PARP15: variants seen among roughly 807,000 people sequenced by gnomAD.
PARP15 encodes poly(ADP-ribose) polymerase family member 15.
In PARP15, 50 loss-of-function variants were observed where a neutral mutation model predicts 62.1. That is an observed-to-expected ratio of 0.81 (90% confidence interval 0.64 to 1.02). PARP15 has a LOEUF of 1.02. Among genes scored for constraint, PARP15 ranks in the 50% least tolerant of loss-of-function variants. The probability of loss-of-function intolerance (pLI) is 0.00; values close to 1 mark genes in which losing one functional copy is unlikely to be tolerated. For synonymous variants in PARP15, 309 were observed against 293.1 expected (o/e 1.05, Z -0.55); for missense variants, 820 against 826.5 (o/e 0.99, Z 0.10).
At chr3:122,602,481 C>G (rs188878094) in intron 1 of PARP15, among the ~76,000 whole-genome samples, 150 of 152,322 alleles carry the variant, frequency 9.8e-4, no homozygotes, top group Admixed American at 2.0e-3. Context: ...ATCTTCATCT[C>G]TCACTTCCTA....
intron 8 of PARP15, among the ~76,000 whole-genome samples, chr3:122,625,258 TG>T (rs1331579633): frequency 6.6e-6 from 1 of 152,034 alleles, no homozygotes; most frequent in African/African-American, 2.4e-5. Flanking sequence ...TTTGTTTTTT[TG>T]TTGTTGTTTT....
chr3:122,579,999 G>GTGTGTATATA (rs1553725409), intron 1 of PARP15, among the ~76,000 whole-genome samples: 2 of 64,460 alleles, frequency 3.1e-5, no homozygotes, highest in African/African-American at 9.9e-5. Flanking sequence ...GCAACTATAT[G>GTGTGTATATA]TATATATATA....
intron 11 of PARP15, 96 bp from the exon 12 acceptor site, chr3:122,635,715 A>T: frequency 7.1e-7 from 1 of 1,405,224 alleles, no homozygotes; most frequent in Non-Finnish European, 9.6e-7. Flanking sequence ...ACCTGGCTAA[A>T]ACTGCATTTA....
Position 122,638,805 on chromosome 3 carries a change from T to G in PARP15, c.*2705T>G, listed in dbSNP as rs1390384363. 6.6e-6 allele frequency: 1 copy of G among 152,194 alleles called. No homozygotes were observed. Among genetic ancestry groups the G allele is most frequent in the Non-Finnish European group, 1.5e-5 (1 of 68,028 alleles). The allele number at this position is 152,194 out of a possible 1,614,324, so 9.4% of individuals were successfully genotyped here. Reference sequence around the variant, plus strand: ...GTTGTACAGAAGCTCTTTAGTTTAATTAGATCCCATATTTCTACCATTTTT... The same window carrying G: ...GTTGTACAGAAGCTCTTTAGTTTAAGTAGATCCCATATTTCTACCATTTTT... On this transcript the variant is annotated 3_prime_UTR_variant, in exon 12 of 12. Transcript: ENST00000464300.
chr3:122,593,141 A>C (rs1934077392), intron 1 of PARP15, among the ~76,000 whole-genome samples: 2 of 142,150 alleles, frequency 1.4e-5, no homozygotes, highest in South Asian at 4.4e-4. Flanking sequence ...TCTATCATGT[A>C]TCTATCTATA....
intron 1 of PARP15, among the ~76,000 whole-genome samples, chr3:122,583,699 A>G (rs747282794): frequency 1.8e-4 from 27 of 152,004 alleles, no homozygotes; most frequent in Non-Finnish European, 3.5e-4. Flanking sequence ...TCTATAATTA[A>G]TTTTTCCACC....
intron 6 of PARP15, 122 bp downstream of exon 6, chr3:122,617,286 C>A: frequency 9.4e-7 from 1 of 1,062,590 alleles, no homozygotes; most frequent in Non-Finnish European, 1.4e-6. Context: ...TCTCTGAACT[C>A]AGGAAGACGT....
chr3:122,610,826 C>T (rs549646517), intron 3 of PARP15, 96 bp downstream of exon 3: 93 of 1,054,962 alleles, frequency 8.8e-5, no homozygotes, highest in South Asian at 1.5e-4. Context: ...CAATTTTGCC[C>T]CACAGAGGAC....
In PARP15 at chr3:122,635,026, A is replaced by G; in HGVS notation, c.1579A>G (p.Arg527Gly). 1 of 1,613,826 alleles carries G rather than the reference A, an allele frequency of 6.2e-7. No individual in the cohort carries two copies. The highest frequency in any genetic ancestry group is 1.1e-5 in the South Asian group (1 of 91,018). The change falls in exon 11 of 12, where the codon AGG becomes GGG. Residue 527 changes from arginine to glycine, a missense_variant. Around this residue, in one of 3 missense-constraint regions of PARP15, gnomAD observed 731 missense variants for 727.7 expected, o/e 1.00. Transcript: ENST00000464300. ...CSSYAIEKIERIQNAFLWQSY... is the reference protein window; with the variant it reads ...CSSYAIEKIEGIQNAFLWQSY... ...TGTCTTTTGTTACCTGCAGATTGAG[A>G]GGATACAGAATGCATTTCTCTGGCA...
intron 1 of PARP15, 134 bp downstream of exon 1, chr3:122,577,987 A>G (rs2332240): frequency 0.46 from 391,052 of 853,288 alleles, 91,984 homozygotes; most frequent in Admixed American, 0.57. Flanking sequence ...CGCCGACTAC[A>G]CTGACTTCCC....
intron 2 of PARP15, among the ~76,000 whole-genome samples, chr3:122,607,851 A>T (rs1935257932): frequency 6.6e-6 from 1 of 151,882 alleles, no homozygotes; most frequent in African/African-American, 2.4e-5. Context: ...TCTCATGTAC[A>T]TGTCTTTCCT....
At position 122,615,782 on chromosome 3, in the gene PARP15, T is replaced by C; in HGVS notation, c.775T>C (p.Phe259Leu). 6.2e-7 allele frequency: 1 copy of C among 1,612,724 alleles called. No individual in the cohort carries two copies. The highest frequency in any genetic ancestry group is 8.5e-7 in the Non-Finnish European group (1 of 1,178,736). Residue 259 changes from phenylalanine to leucine, a missense_variant, in exon 5 of 12, where the codon TTT becomes CTT. By Grantham distance (22) the Phe-to-Leu change is conservative. This residue lies in a region of PARP15 where 731 missense variants were observed against 727.7 expected (regional missense o/e 1.00). Transcript: ENST00000464300. The stretch of plus-strand genomic sequence containing the variant: ...CAGTAACTGTTTCTATTTCCAGGCA[T>C]TTTTAGATGAATTCACTAACTGGTC... ...YTNDDEGCQAFLDEFTNWSRI... is the reference protein window; with the variant it reads ...YTNDDEGCQALLDEFTNWSRI...
chr3:122,635,545 A>T (rs1560007111), intron 11 of PARP15, among the ~76,000 whole-genome samples: 1 of 151,954 alleles, frequency 6.6e-6, no homozygotes, highest in East Asian at 1.9e-4. Flanking sequence ...AGTAGCTGGG[A>T]TTACAGGCAT....
rs568430372 is a variant in PARP15, at chr3:122,607,391, A to C, written c.306+1336A>C. On this transcript the variant is annotated intron_variant, in intron 2 of 11. Transcript: ENST00000464300. Reference sequence around the variant, plus strand: ...CTGCTCCACCACTCAGCAGCCACTGATCTTGGTCAATATCCATCTTATGTC... The same window carrying C: ...CTGCTCCACCACTCAGCAGCCACTGCTCTTGGTCAATATCCATCTTATGTC... Among the ~76,000 whole-genome samples the C allele has an allele frequency of 2.0e-5, 3 of 152,286 alleles. No homozygotes were observed. In the East Asian group the frequency reaches 5.8e-4, roughly 29 times the overall value.
Position 122,601,036 on chromosome 3 carries a change from G to GTTTTTTTT in PARP15, c.187-4884_187-4877dup, listed in dbSNP as rs771581231. On this transcript the variant is annotated intron_variant, in intron 1 of 11. Transcript: ENST00000464300. ...CATTGGTTTTTGTTTGTCTTTTATG[G>GTTTTTTTT]TTTTTTTTTTTTTTTTTTTTTTTGA... Among the ~76,000 whole-genome samples the GTTTTTTTT allele has an allele frequency of 2.6e-3, 193 of 73,028 alleles. 29 individuals carry two copies. The highest frequency in any genetic ancestry group is 0.014 in the African/African-American group (175 of 12,158). The allele number at this position is 73,028 out of a possible 152,430, so 47.9% of individuals were successfully genotyped here.
At chr3:122,631,970 A>G in intron 9 of PARP15, 116 bp from the exon 10 acceptor site, 1 of 1,143,232 alleles carries the variant, frequency 8.7e-7, no homozygotes, top group Non-Finnish European at 1.3e-6. Flanking sequence ...GAAATGTGTA[A>G]CTTCTCCTTT....
chr3:122,636,122 G>A lies in PARP15; in HGVS notation c.*22G>A, dbSNP rs200442595. 2 of 1,587,682 alleles carry A rather than the reference G, an allele frequency of 1.3e-6. No individual in the cohort carries two copies. ...TTAAAAATATTTTTATCATCAAAGA[G>A]ATGATTTAAGTCATCTGTAAGAACA... On this transcript the variant is annotated 3_prime_UTR_variant, in exon 12 of 12. Coordinates refer to ENST00000464300, the MANE Select transcript of PARP15 (RefSeq NM_001113523.3).
In PARP15 at chr3:122,605,996, A is replaced by G. The variant is rs1433532251; in HGVS notation, c.247A>G (p.Ile83Val). Residue 83 changes from isoleucine to valine, a missense_variant, in exon 2 of 12, where the codon ATC becomes GTC. Physicochemically the swap from Ile to Val is conservative, Grantham distance 29. This residue lies in a region of PARP15 where 731 missense variants were observed against 727.7 expected (regional missense o/e 1.00). Coordinates refer to ENST00000464300, the MANE Select transcript of PARP15 (RefSeq NM_001113523.3). ...CLSIRNVVASIQTKEGLNLKL... is the reference protein window; with the variant it reads ...CLSIRNVVASVQTKEGLNLKL... ...TTCAATCAGGAATGTTGTAGCTTCA[A>G]TCCAAACCAAAGAAGGTCTGAATCT... 3 of 1,551,928 alleles carry G rather than the reference A, an allele frequency of 1.9e-6. No homozygotes were observed. Among genetic ancestry groups the G allele is most frequent in the Non-Finnish European group, 2.6e-6 (3 of 1,146,998 alleles).
chr3:122,634,994 A>C (rs886521280), intron 10 of PARP15, 26 bp from the exon 11 acceptor site: 2 of 1,611,332 alleles, frequency 1.2e-6, no homozygotes, highest in Non-Finnish European at 8.5e-7. Context: ...TCCTTTCTGA[A>C]ATATTTTGTC....
Sources: gnomAD v4.1 joint callset for allele counts (sites outside exome capture counted in the v4.1 genomes callset) on GRCh38, gnomAD v4.1.1 for gene constraint, gnomAD v4.1.1 regional missense constraint, MANE v1.5 for transcripts, NCBI Gene and HGNC (gene_info 2026-07-23, HGNC 2026-07-21) for gene names.